The following RIT2 variants were observed in gnomAD, a reference collection of about 807,000 sequenced individuals.
The protein encoded by RIT2 is GTP-binding protein Rit2.
RIT2 carries 24 observed loss-of-function variants against 23.7 expected under a neutral mutation model. The ratio of observed to expected loss-of-function variants is 1.01; its 90% CI spans 0.73 to 1.43. RIT2 has a LOEUF of 1.43. Among genes scored for constraint, RIT2 ranks in the 40% most tolerant of loss-of-function variants. RIT2 has a pLI of 0.00. For missense variants in RIT2, 236 were observed against 266.9 expected, an observed-to-expected ratio of 0.88 and a Z score of 0.81; for synonymous variants, 107 against 91.1, an observed-to-expected ratio of 1.17 and a Z score of -0.99.
At chr18:42,847,324 G>T (rs1402039394) in intron 4 of RIT2, among the ~76,000 whole-genome samples, 1 of 151,934 alleles carries the variant, frequency 6.6e-6, no homozygotes. Context: ...CATGTCCTGG[G>T]GCTCTACTTA....
At chr18:42,971,496 G>GT (rs1161440984) in intron 3 of RIT2, among the ~76,000 whole-genome samples, 1 of 151,978 alleles carries the variant, frequency 6.6e-6, no homozygotes, top group African/African-American at 2.4e-5. Flanking sequence ...CCACAATGAG[G>GT]TAAGATTCTC....
intron 4 of RIT2, among the ~76,000 whole-genome samples, chr18:42,796,875 C>T (rs1318559008): frequency 6.6e-6 from 1 of 152,126 alleles, no homozygotes; most frequent in African/African-American, 2.4e-5. Flanking sequence ...ATAGTTCCTG[C>T]CTCCTTAAGT....
At chr18:42,754,886 T>C (rs1361470916) in intron 4 of RIT2, among the ~76,000 whole-genome samples, 1 of 152,234 alleles carries the variant, frequency 6.6e-6, no homozygotes, top group Non-Finnish European at 1.5e-5. Context: ...GTATTTTTGC[T>C]ATATTGTGGG....
chr18:42,975,816 G>A (rs919451892), intron 2 of RIT2, among the ~76,000 whole-genome samples: 1 of 151,988 alleles, frequency 6.6e-6, no homozygotes, highest in South Asian at 2.1e-4. Context: ...TTGTTGCTAC[G>A]GGGGAATATG....
chr18:42,867,954 C>T (rs1256857942), intron 4 of RIT2, among the ~76,000 whole-genome samples: 1 of 152,214 alleles, frequency 6.6e-6, no homozygotes, highest in Non-Finnish European at 1.5e-5. Context: ...TAAAATGTCA[C>T]AGGCTATTCC....
intron 4 of RIT2, among the ~76,000 whole-genome samples, chr18:42,917,331 T>C (rs1293403872): frequency 1.3e-5 from 2 of 152,132 alleles, no homozygotes; most frequent in Non-Finnish European, 2.9e-5. Context: ...GACTCCATCA[T>C]GGACACCCAC....
chr18:42,909,125 G>A (rs1334601155), intron 4 of RIT2, among the ~76,000 whole-genome samples: 1 of 152,042 alleles, frequency 6.6e-6, no homozygotes, highest in Non-Finnish European at 1.5e-5. Flanking sequence ...TGTACACCAT[G>A]GTATACTACT....
At chr18:42,995,155 A>G (rs186166172) in intron 2 of RIT2, among the ~76,000 whole-genome samples, 3 of 152,288 alleles carry the variant, frequency 2.0e-5, no homozygotes, top group Non-Finnish European at 4.4e-5. Context: ...CTACAGTACA[A>G]GCCACTGGCC....
chr18:42,973,147 C>G (rs951502442), intron 3 of RIT2, among the ~76,000 whole-genome samples: 1 of 151,544 alleles, frequency 6.6e-6, no homozygotes, highest in Non-Finnish European at 1.5e-5. Flanking sequence ...TTTTCTGTAC[C>G]ATTTGTCTCT....
intron 4 of RIT2, among the ~76,000 whole-genome samples, chr18:42,857,126 T>G (rs777981354): frequency 3.0e-5 from 3 of 99,062 alleles, no homozygotes; most frequent in Non-Finnish European, 5.2e-5. Context: ...GGCCAAGACG[T>G]TTTTAATTAT....
At chr18:43,053,787 T>C (rs552344712) in intron 1 of RIT2, among the ~76,000 whole-genome samples, 8 of 152,264 alleles carry the variant, frequency 5.3e-5, no homozygotes, top group South Asian at 4.1e-4. Flanking sequence ...TAGTAAATGA[T>C]GGAGCATTGT....
chr18:42,756,620 G>A (rs1032546827), intron 4 of RIT2, among the ~76,000 whole-genome samples: 1 of 152,144 alleles, frequency 6.6e-6, no homozygotes, highest in African/African-American at 2.4e-5. Flanking sequence ...AAATTGGGCA[G>A]TACGTGCAAT....
intron 4 of RIT2, among the ~76,000 whole-genome samples, chr18:42,746,520 T>C (rs1271630622): frequency 6.6e-6 from 1 of 152,066 alleles, no homozygotes; most frequent in Non-Finnish European, 1.5e-5. Flanking sequence ...AAGGGGAATA[T>C]TTTATAATAA....
At chr18:42,970,363 T>C (rs1018980762) in intron 3 of RIT2, among the ~76,000 whole-genome samples, 2 of 151,866 alleles carry the variant, frequency 1.3e-5, no homozygotes, top group African/African-American at 4.8e-5. Context: ...AGCAGAAGAG[T>C]TAAGTATTAA....
At chr18:43,063,987 A>G (rs190732167) in intron 1 of RIT2, among the ~76,000 whole-genome samples, 8 of 152,308 alleles carry the variant, frequency 5.3e-5, no homozygotes, top group Non-Finnish European at 8.8e-5. Context: ...CAGATGAAAA[A>G]TTTACGTCCA....
At position 43,072,364 on chromosome 18, in the gene RIT2, C is replaced by T. The variant is rs541837014; in HGVS notation, c.104-38497G>A. 5.3e-5 allele frequency among the ~76,000 whole-genome samples: 8 copies of T among 152,124 alleles called. No homozygotes were observed. In the South Asian group the frequency reaches 1.0e-3, roughly 20 times the overall value. On this transcript the variant is annotated intron_variant, in intron 1 of 4. Coordinates refer to ENST00000326695, the MANE Select transcript of RIT2 (RefSeq NM_002930.4). ...GGGATCTCTCTTCTAAGTCTTTTTG[C>T]GAATCAATTTGCTTATGACACTGTT... is the stretch of plus-strand genomic sequence containing the variant.
chr18:43,036,484 G>A (rs1382911187), intron 1 of RIT2, among the ~76,000 whole-genome samples: 3 of 152,132 alleles, frequency 2.0e-5, no homozygotes, highest in Non-Finnish European at 2.9e-5. Flanking sequence ...AGGTTGCAGT[G>A]AGCCGAAATT....
At chr18:42,868,395 T>C (rs1478426160) in intron 4 of RIT2, among the ~76,000 whole-genome samples, 3 of 152,196 alleles carry the variant, frequency 2.0e-5, no homozygotes, top group Non-Finnish European at 4.4e-5. Context: ...ATGGCTAGGT[T>C]CAGCTGTGAA....
chr18:42,959,301 C>T (rs1910044829), intron 3 of RIT2, among the ~76,000 whole-genome samples: 1 of 152,128 alleles, frequency 6.6e-6, no homozygotes, highest in African/African-American at 2.4e-5. Flanking sequence ...AATATTAAAA[C>T]AGTCATTTTA....
Sources: gnomAD v4.1 joint callset for allele counts (sites outside exome capture counted in the v4.1 genomes callset) on GRCh38, gnomAD v4.1.1 for gene constraint, MANE v1.5 for transcripts, NCBI Gene and HGNC (gene_info 2026-07-23, HGNC 2026-07-21) for gene names.